The following BARD1 variants were observed in gnomAD, a reference collection of about 807,000 sequenced individuals.
BARD1 encodes BRCA1-associated RING domain protein 1.
BARD1 carries 73 observed loss-of-function variants against 77.0 expected under a neutral mutation model. That is an observed-to-expected ratio of 0.95 (90% CI 0.79 to 1.15). The LOEUF (loss-of-function observed/expected upper bound fraction) is 1.15. Ranked by LOEUF, BARD1 falls within the 50% of genes most tolerant of loss-of-function variation. The pLI, the probability that BARD1 is intolerant of heterozygous loss-of-function variation, is 0.00. For synonymous variants in BARD1, 384 were observed against 338.0 expected (o/e 1.14, Z -1.49); for missense variants, 993 against 938.8 (o/e 1.06, Z -0.75).
At position 214,797,224 on chromosome 2, in the gene BARD1, A is replaced by G. The variant is rs971096579; in HGVS notation, c.159-107T>C. Reference sequence around the variant, plus strand: ...ACACTACCATATTTCTCACTTTCTCAAAGCAGAAGGTATTAAGGATGCATT... The same window carrying G: ...ACACTACCATATTTCTCACTTTCTCGAAGCAGAAGGTATTAAGGATGCATT... On this transcript the variant is annotated intron_variant, in intron 1 of 10. Coordinates refer to ENST00000260947, the MANE Select transcript of BARD1 (RefSeq NM_000465.4). The G allele has an allele frequency of 6.6e-6, 6 of 913,992 alleles. No homozygotes were observed. In the Admixed American group the frequency reaches 1.0e-4, roughly 16 times the overall value. The allele number at this position is 913,992 out of a possible 1,614,324, so 56.6% of individuals were successfully genotyped here. A position where few individuals can be genotyped will look rare whatever the true frequency, so the allele number is the denominator to read the frequency against.
intron 4 of BARD1, among the ~76,000 whole-genome samples, chr2:214,773,565 T>A (rs1694607168): frequency 6.6e-6 from 1 of 152,172 alleles, no homozygotes; most frequent in African/African-American, 2.4e-5. Context: ...TCTTCTGGTT[T>A]CCCAGCACAT....
intron 4 of BARD1, among the ~76,000 whole-genome samples, chr2:214,777,141 C>A (rs1334313102): frequency 6.6e-6 from 1 of 152,082 alleles, no homozygotes; most frequent in South Asian, 2.1e-4. Context: ...TTCAGGTGTA[C>A]AGAACTGTAA....
intron 7 of BARD1, among the ~76,000 whole-genome samples, chr2:214,749,815 G>A (rs1693319492): frequency 6.6e-6 from 1 of 151,230 alleles, no homozygotes; most frequent in South Asian, 2.1e-4. Flanking sequence ...TTAACCCTGG[G>A]GCAAATCATA....
intron 6 of BARD1, among the ~76,000 whole-genome samples, chr2:214,762,190 G>T (rs1391556156): frequency 2.6e-5 from 4 of 152,238 alleles, no homozygotes; most frequent in South Asian, 2.1e-4. Flanking sequence ...GCATAAAATT[G>T]TTTAAAATAT....
Position 214,767,541 on chromosome 2 carries a change from C to G in BARD1, c.1509G>C (p.Lys503Asn). ...GCTTGACTATATCCACATGCCCATT[C>G]TTGGCTGCATCGTGAAGTGGTGAGT... ...QNDSPLHDAA[K>N]NGHVDIVKLL... The change falls in exon 6 of 11, where the codon AAG (lysine) becomes AAC (asparagine). Residue 503 changes from lysine to asparagine, a missense_variant. Physicochemically the swap from Lys to Asn is moderately conservative, Grantham distance 94. Transcript: ENST00000260947. 6.2e-7 allele frequency: 1 copy of G among 1,614,064 alleles called. No homozygotes were observed. Among genetic ancestry groups the G allele is most frequent in the South Asian group, 1.1e-5 (1 of 91,082 alleles).
At chr2:214,791,596 C>A (rs1243884375) in intron 3 of BARD1, among the ~76,000 whole-genome samples, 1 of 152,168 alleles carries the variant, frequency 6.6e-6, no homozygotes, top group Non-Finnish European at 1.5e-5. Flanking sequence ...ACAGTTAATA[C>A]ACAGAGTCTA....
rs1695113020 is a variant in BARD1, at chr2:214,783,062, C to T, written c.365-1553G>A. On this transcript the variant is annotated intron_variant, in intron 3 of 10. Transcript: ENST00000260947. ...CCTCCATATTATCAGGGGACTGGTT[C>T]GAGAACTCCCTTGGATACCAAAATA... is the stretch of plus-strand genomic sequence containing the variant. Among the ~76,000 whole-genome samples the T allele has an allele frequency of 2.6e-5, 4 of 152,148 alleles. No individual in the cohort carries two copies. In the South Asian group the frequency reaches 6.2e-4, roughly 24 times the overall value.
chr2:214,794,077 C>T (rs1411686443), intron 2 of BARD1, among the ~76,000 whole-genome samples: 2 of 151,952 alleles, frequency 1.3e-5, no homozygotes, highest in East Asian at 3.9e-4. Context: ...CATGGCAAAA[C>T]CTTGTCTCTA....
intron 3 of BARD1, among the ~76,000 whole-genome samples, chr2:214,789,258 A>T (rs1435165267): frequency 6.6e-6 from 1 of 151,990 alleles, no homozygotes. Context: ...GTCAGGCACA[A>T]TTAGCTCATG....
At chr2:214,800,201 T>C (rs1695953049) in intron 1 of BARD1, among the ~76,000 whole-genome samples, 1 of 152,248 alleles carries the variant, frequency 6.6e-6, no homozygotes. Context: ...ATATTAGTAA[T>C]GATTTAACAT....
At chr2:214,739,354 T>C (rs903109872) in intron 9 of BARD1, among the ~76,000 whole-genome samples, 1 of 152,144 alleles carries the variant, frequency 6.6e-6, no homozygotes, top group African/African-American at 2.4e-5. Context: ...ATTAGGGATG[T>C]GTGTCACTCA....
Position 214,728,819 on chromosome 2 carries a change from G to A in BARD1, c.2191C>T (p.Arg731Cys), listed in dbSNP as rs76744638. The A allele has an allele frequency of 3.2e-5, 51 of 1,614,216 alleles. No homozygotes were observed. Among genetic ancestry groups the A allele is most frequent in the East Asian group, 3.1e-4 (14 of 44,882 alleles). Residue 731 changes from arginine to cysteine, a missense_variant, in exon 11 of 11, where the codon CGC (arginine) becomes TGC (cysteine). By Grantham distance (180) the Arg-to-Cys change is radical (BLOSUM62 -3). Coordinates refer to ENST00000260947, the MANE Select transcript of BARD1 (RefSeq NM_000465.4). ...TAGATGATATACTGTGTGCAGAAGCGCTGATCAGAATCGGGTCTCGCATGG... is the reference window on the plus strand; with the variant it reads ...TAGATGATATACTGTGTGCAGAAGCACTGATCAGAATCGGGTCTCGCATGG... ...AYHARPDSDQ[R>C]FCTQYIIYED...
At chr2:214,750,972 A>C (rs1693379344) in intron 7 of BARD1, among the ~76,000 whole-genome samples, 1 of 151,432 alleles carries the variant, frequency 6.6e-6, no homozygotes, top group Non-Finnish European at 1.5e-5. Context: ...ATTGTCTTCA[A>C]GCATTTGAGA....
chr2:214,792,088 A>T (rs1460034702), intron 3 of BARD1, among the ~76,000 whole-genome samples: 1 of 151,370 alleles, frequency 6.6e-6, no homozygotes. Context: ...AGGTGGGGGG[A>T]ATCCCTTGAG....
chr2:214,744,714 T>C (rs1285158378), intron 9 of BARD1, among the ~76,000 whole-genome samples: 1 of 152,168 alleles, frequency 6.6e-6, no homozygotes, highest in Non-Finnish European at 1.5e-5. Context: ...CACTGCAAGC[T>C]CCACCTCCCA....
At chr2:214,746,710 G>A (rs892903963) in intron 7 of BARD1, among the ~76,000 whole-genome samples, 8 of 152,016 alleles carry the variant, frequency 5.3e-5, no homozygotes, top group South Asian at 2.1e-4. Flanking sequence ...TAACCTAAAC[G>A]CTATAAACCC....
chr2:214,740,319 CCA>C (rs1692761931), intron 9 of BARD1, among the ~76,000 whole-genome samples: 1 of 151,966 alleles, frequency 6.6e-6, no homozygotes, highest in Non-Finnish European at 1.5e-5. Flanking sequence ...CTAATTAAGA[CCA>C]AAGCCCTTCC....
At chr2:214,754,772 C>A (rs1006371662) in intron 6 of BARD1, among the ~76,000 whole-genome samples, 4 of 152,132 alleles carry the variant, frequency 2.6e-5, no homozygotes, top group Admixed American at 1.3e-4. Context: ...TCACTAAACT[C>A]TTAGCCCTCC....
At chr2:214,765,972 T>C (rs1238432667) in intron 6 of BARD1, among the ~76,000 whole-genome samples, 1 of 152,254 alleles carries the variant, frequency 6.6e-6, no homozygotes, top group Non-Finnish European at 1.5e-5. Flanking sequence ...CTGCATTTTA[T>C]AATTCTTATT....
Sources: allele counts gnomAD v4.1 joint callset (sites outside exome capture counted in the v4.1 genomes callset), GRCh38; gene constraint gnomAD v4.1.1; transcripts MANE v1.5; gene names NCBI Gene and HGNC (gene_info 2026-07-23, HGNC 2026-07-21).